The following MOCS2 variants were observed in gnomAD, a reference collection of about 807,000 sequenced individuals.
MOCS2 encodes molybdopterin synthase catalytic subunit.
Under a neutral mutation model 21.9 loss-of-function variants are expected in MOCS2, and 13 were observed. The observed-to-expected ratio is 0.59, with a 90% CI of 0.39 to 0.94. MOCS2 has a LOEUF of 0.94. MOCS2 is among the 40% of genes least tolerant of loss of function. The pLI is 0.00. For missense variants in MOCS2, 227 were observed against 218.3 expected (o/e 1.04, Z -0.25); for synonymous variants, 92 against 80.8 (o/e 1.14, Z -0.74).
intron 6 of MOCS2, 106 bp from the exon 7 acceptor site, chr5:53,098,773 G>A: frequency 1.2e-6 from 1 of 825,968 alleles, no homozygotes; most frequent in South Asian, 1.5e-5. Flanking sequence ...CTATTTCAAT[G>A]GCTCCTCTTT....
intron 4 of MOCS2, 24 bp downstream of exon 4, chr5:53,102,073 G>A: frequency 6.2e-7 from 1 of 1,609,680 alleles, no homozygotes; most frequent in Non-Finnish European, 8.5e-7. Context: ...TACAGTGATA[G>A]ATGCAATGAA....
intron 3 of MOCS2, among the ~76,000 whole-genome samples, chr5:53,104,981 T>C (rs1490018888): frequency 6.6e-6 from 1 of 152,188 alleles, no homozygotes; most frequent in Non-Finnish European, 1.5e-5. Context: ...CACACTATAC[T>C]GAACAATGTT....
chr5:53,108,533 A>G lies in MOCS2; in HGVS notation c.-59T>C. Reference sequence around the variant, plus strand: ...AAATTTTTAACTACCCAGGATGTCGAGTTTCTATCTCCTTCCACAGCTGCA... The same window carrying G: ...AAATTTTTAACTACCCAGGATGTCGGGTTTCTATCTCCTTCCACAGCTGCA... On this transcript the variant is annotated 5_prime_UTR_variant, in exon 2 of 7. Coordinates refer to ENST00000396954, the MANE Select transcript of MOCS2 (RefSeq NM_004531.5). 3.1e-6 allele frequency: 5 copies of G among 1,613,308 alleles called. No individual in the cohort carries two copies. The highest frequency in any genetic ancestry group is 4.2e-6 in the Non-Finnish European group (5 of 1,179,650).
Position 53,109,616 on chromosome 5 carries a change from G to T in MOCS2, c.-535C>A. The T allele has an allele frequency of 6.6e-7, 1 of 1,518,202 alleles. No individual in the cohort carries two copies. The highest frequency in any genetic ancestry group is 1.2e-5 in the South Asian group (1 of 82,038). The allele number at this position is 1,518,202 out of a possible 1,614,324, so 94.0% of individuals were successfully genotyped here. On this transcript the variant is annotated 5_prime_UTR_variant, in exon 1 of 7. Coordinates refer to ENST00000396954, the MANE Select transcript of MOCS2 (RefSeq NM_004531.5). ...AGGTTGGGGGCTAGTGGGGAGGTCC[G>T]ACTGACCAAGGCTGGGTATGTGGAG...
rs1354088477 is a variant in MOCS2, at chr5:53,101,462, A to G, written c.274T>C (p.Tyr92His). The G allele has an allele frequency of 3.1e-6, 5 of 1,612,226 alleles. No individual in the cohort carries two copies. The highest frequency in any genetic ancestry group is 4.2e-6 in the Non-Finnish European group (5 of 1,178,554). ...TCCGCCATGGGTAGATATGCTTCAT[A>G]TTCTAAGCTAATGACTTTTTTCCCT... is the stretch of plus-strand genomic sequence containing the variant. Reference protein sequence around the residue: ...FEGKKVISLEYEAYLPMAENE... With the variant: ...FEGKKVISLEHEAYLPMAENE... The change falls in exon 5 of 7, where the codon TAT (tyrosine) becomes CAT (histidine). Residue 92 changes from tyrosine (Y) to histidine (H), a missense_variant. Tyr to His is a moderately conservative substitution (Grantham distance 83). Transcript: ENST00000396954.
At position 53,102,137 on chromosome 5, in the gene MOCS2, CAACT is replaced by C. The variant is rs1740927360; in HGVS notation, c.182_185del (p.Gln61ArgfsTer2). On this transcript the variant is annotated frameshift_variant, in exon 4 of 7. Coordinates refer to ENST00000396954, the MANE Select transcript of MOCS2 (RefSeq NM_004531.5). LOFTEE classifies it high-confidence loss of function. ...TTGCACCACAGAGCGGAGAAATCAC[CAACT>C]GTGAGACTTCATCTACTGAAAGTTT... is the stretch of plus-strand genomic sequence containing the variant. 1 of 1,613,624 alleles carries C rather than the reference CAACT, an allele frequency of 6.2e-7. No individual in the cohort carries two copies. The highest frequency in any genetic ancestry group is 8.5e-7 in the Non-Finnish European group (1 of 1,179,738).
At chr5:53,108,915 G>A (rs1396134421) in intron 1 of MOCS2, among the ~76,000 whole-genome samples, 1 of 152,098 alleles carries the variant, frequency 6.6e-6, no homozygotes, top group Admixed American at 6.5e-5. Flanking sequence ...TTATCTTCTA[G>A]GAAAACATGT....
chr5:53,103,186 A>G (rs1333764004), intron 3 of MOCS2, among the ~76,000 whole-genome samples: 1 of 152,242 alleles, frequency 6.6e-6, no homozygotes, highest in African/African-American at 2.4e-5. Flanking sequence ...AATTATGTGT[A>G]TAAATATTCA....
chr5:53,108,659 A>G lies in MOCS2; in HGVS notation c.-169-16T>C, dbSNP rs1346707041. ...ATACTTCAACCTGAAAGTAAAGAAA[A>G]TGCTTTTAATAACAACTCATACTCG... is the stretch of plus-strand genomic sequence containing the variant. On this transcript the variant is annotated splice_polypyrimidine_tract_variant and intron_variant, in intron 1 of 6. Transcript: ENST00000396954. 1.2e-6 allele frequency: 2 copies of G among 1,610,906 alleles called. No homozygotes were observed. Among genetic ancestry groups the G allele is most frequent in the South Asian group, 2.2e-5 (2 of 90,172 alleles).
chr5:53,103,742 T>C (rs555187414), intron 3 of MOCS2, among the ~76,000 whole-genome samples: 3 of 152,174 alleles, frequency 2.0e-5, no homozygotes, highest in Non-Finnish European at 2.9e-5. Context: ...GGATAACTTA[T>C]GGAAGTAAAT....
At position 53,098,614 on chromosome 5, in the gene MOCS2, T is replaced by A. The variant is rs768042301; in HGVS notation, c.555A>T (p.Ala185=). The change falls in exon 7 of 7, where the codon GCA becomes GCT. Residue 185 remains alanine, a synonymous_variant. Transcript: ENST00000396954. ...TWKGNKECFW[A]SNS ...AAAACATAAGTGATTAACTGTTGGA[T>A]GCCCAAAAGCACTCTTTGTTTCCTT... 4.5e-5 allele frequency: 73 copies of A among 1,613,682 alleles called. No individual in the cohort carries two copies. Among genetic ancestry groups the A allele is most frequent in the Middle Eastern group, 1.6e-4 (1 of 6,078 alleles).
At chr5:53,101,114 C>G in intron 5 of MOCS2, 1 of 569,522 alleles carries the variant, frequency 1.8e-6, no homozygotes, top group East Asian at 3.0e-5. Flanking sequence ...TGTCATAGGG[C>G]CTGCAAGTCT....
At chr5:53,106,302 T>C (rs753636695) in intron 3 of MOCS2, among the ~76,000 whole-genome samples, 2 of 152,164 alleles carry the variant, frequency 1.3e-5, no homozygotes, top group African/African-American at 2.4e-5. Flanking sequence ...TCAACCTAAA[T>C]GCCCATCAGT....
chr5:53,101,968 C>A, intron 4 of MOCS2, 129 bp downstream of exon 4: 1 of 939,220 alleles, frequency 1.1e-6, no homozygotes, highest in Non-Finnish European at 1.6e-6. Context: ...AAAAGTCTAC[C>A]CACCATCATC....
chr5:53,108,367 A>G (rs1327066856), intron 2 of MOCS2, among the ~76,000 whole-genome samples, 155 bp downstream of exon 2: 1 of 152,250 alleles, frequency 6.6e-6, no homozygotes, highest in Non-Finnish European at 1.5e-5. Flanking sequence ...TACGGTGCAC[A>G]TTTAGAGTTT....
Position 53,096,088 on chromosome 5 carries a change from C to G in MOCS2, c.*2514G>C, listed in dbSNP as rs1740721749. 6.6e-6 allele frequency: 1 copy of G among 152,194 alleles called. No individual in the cohort carries two copies. The highest frequency in any genetic ancestry group is 1.5e-5 in the Non-Finnish European group (1 of 68,042). 9.4% of individuals were successfully genotyped at this position (152,194 alleles called of 1,614,324 possible). A position where few individuals can be genotyped will look rare whatever the true frequency, so the allele number is the denominator to read the frequency against. ...ACTCAAGTTGCTAAGAGCAACTTTA[C>G]TATAACTTTTACTATGGCTCTGGCT... is the stretch of plus-strand genomic sequence containing the variant. On this transcript the variant is annotated 3_prime_UTR_variant, in exon 7 of 7. Transcript: ENST00000396954.
rs1313436519 is a variant in MOCS2 at position 53,096,488 on chromosome 5, G to A, written c.*2114C>T. Reference sequence around the variant, plus strand: ...AACACTGCAGGCAATCTGATTAAAGGCTAATTATTTTTTTTAGATTACTCT... The same window carrying A: ...AACACTGCAGGCAATCTGATTAAAGACTAATTATTTTTTTTAGATTACTCT... On this transcript the variant is annotated 3_prime_UTR_variant, in exon 7 of 7. Coordinates refer to ENST00000396954, the MANE Select transcript of MOCS2 (RefSeq NM_004531.5). 4 of 152,162 alleles carry A rather than the reference G, an allele frequency of 2.6e-5. No homozygotes were observed. The highest frequency in any genetic ancestry group is 9.7e-5 in the African/African-American group (4 of 41,434). 9.4% of individuals were successfully genotyped at this position (152,162 alleles called of 1,614,324 possible). A position where few individuals can be genotyped will look rare whatever the true frequency, so the allele number is the denominator to read the frequency against.
intron 3 of MOCS2, among the ~76,000 whole-genome samples, chr5:53,104,377 C>T (rs545027838): frequency 3.3e-5 from 5 of 152,276 alleles, no homozygotes; most frequent in South Asian, 2.1e-4. Flanking sequence ...ACCAGTCCTG[C>T]GAAACACATT....
chr5:53,098,789 A>G (rs867129999), intron 6 of MOCS2, 122 bp from the exon 7 acceptor site: 4 of 769,140 alleles, frequency 5.2e-6, no homozygotes, highest in Non-Finnish European at 9.0e-6. Flanking sequence ...TCTTTTAACA[A>G]TCATGACGAG....
Sources: gnomAD v4.1 joint callset for allele counts (sites outside exome capture counted in the v4.1 genomes callset) on GRCh38, gnomAD v4.1.1 for gene constraint, MANE v1.5 for transcripts, NCBI Gene and HGNC (gene_info 2026-07-23, HGNC 2026-07-21) for gene names.